The following RBL1 variants were observed in gnomAD, a reference collection of about 807,000 sequenced individuals.
The protein encoded by RBL1 is retinoblastoma-like protein 1.
RBL1 carries 82 observed loss-of-function variants against 123.0 expected under a neutral mutation model. That is an observed-to-expected ratio of 0.67 (90% CI 0.56 to 0.80). The LOEUF (loss-of-function observed/expected upper bound fraction) is 0.80, where lower values mean the gene tolerates loss of function less well. RBL1 is among the 30% of genes least tolerant of loss of function. The probability of loss-of-function intolerance (pLI) is 0.00; values close to 1 mark genes in which losing one functional copy is unlikely to be tolerated. For synonymous variants in RBL1, 405 were observed against 441.3 expected, an observed-to-expected ratio of 0.92 and a Z score of 1.03; for missense variants, 1,171 against 1,299.6, an observed-to-expected ratio of 0.90 and a Z score of 1.52.
rs2065088609 is a variant in RBL1, at chr20:37,061,221, G to A, written c.1132C>T (p.Arg378Ter). ...STPLTGRRYLREKEAVITPVA... is the reference protein window; with the variant it reads ...STPLTGRRYL The stretch of plus-strand genomic sequence containing the variant: ...GGAGTAATGACTGCTTCTTTTTCTC[G>A]TAAATATCTCCGTCCGGTCAGTGGG... Residue 378 changes from arginine to a stop codon, truncating the protein, a stop_gained, in exon 9 of 22, where the codon CGA becomes TGA. Transcript: ENST00000373664. LOFTEE classifies it high-confidence loss of function. The A allele has an allele frequency of 5.0e-6, 8 of 1,613,970 alleles. No individual in the cohort carries two copies. The highest frequency in any genetic ancestry group is 2.2e-5 in the East Asian group (1 of 44,876).
At chr20:37,001,177 C>A in intron 21 of RBL1, among the ~76,000 whole-genome samples, 1 of 149,328 alleles carries the variant, frequency 6.7e-6, no homozygotes, top group East Asian at 2.0e-4. Flanking sequence ...TGAGGGGCGC[C>A]TCTGCCCGGC....
chr20:37,002,346 T>TTTTTTTTTTG (rs1568810262), intron 21 of RBL1, among the ~76,000 whole-genome samples: 5 of 135,862 alleles, frequency 3.7e-5, no homozygotes, highest in Non-Finnish European at 6.4e-5. Context: ...GTTTTTTTTT[T>TTTTTTTTTTG]TTTTTTTTTT....
At chr20:37,083,552 C>T (rs780228618) in intron 2 of RBL1, among the ~76,000 whole-genome samples, 8 of 141,976 alleles carry the variant, frequency 5.6e-5, no homozygotes, top group African/African-American at 1.8e-4. Flanking sequence ...TTTGGGAGGC[C>T]GAGGTGGATG....
At chr20:37,005,894 C>CTTTTTTTTTTTTTTTTTTTTTTTT (rs1013303071) in intron 20 of RBL1, among the ~76,000 whole-genome samples, 9 of 98,136 alleles carry the variant, frequency 9.2e-5, no homozygotes, top group East Asian at 3.1e-4. Flanking sequence ...TTTTTTCTTT[C>CTTTTTTTTTTTTTTTTTTTTTTTT]TTTTTTTTTT....
At chr20:37,042,897 C>CCAG (rs2146264307) in intron 13 of RBL1, among the ~76,000 whole-genome samples, 1 of 109,248 alleles carries the variant, frequency 9.2e-6, no homozygotes, top group East Asian at 3.0e-4. Flanking sequence ...AGATCTTGTC[C>CCAG]CCCCCCCTCC....
chr20:37,030,578 G>A (rs1489251379), intron 16 of RBL1, among the ~76,000 whole-genome samples: 1 of 151,920 alleles, frequency 6.6e-6, no homozygotes, highest in Non-Finnish European at 1.5e-5. Flanking sequence ...AAACAGGCCC[G>A]GCGTGGTGGC....
chr20:37,031,271 G>C (rs1371533667), intron 16 of RBL1, among the ~76,000 whole-genome samples: 1 of 152,024 alleles, frequency 6.6e-6, no homozygotes, highest in Non-Finnish European at 1.5e-5. Context: ...CAGAATGGGA[G>C]AAAATACTTG....
In RBL1 at chr20:37,032,733, G is replaced by A; in HGVS notation, c.2314C>T (p.Gln772Ter). The A allele has an allele frequency of 6.2e-7, 1 of 1,614,008 alleles. No individual in the cohort carries two copies. Among genetic ancestry groups the A allele is most frequent in the Non-Finnish European group, 8.5e-7 (1 of 1,179,984 alleles). ...TTTATTCCAGTTGAATGTACCTCTT[G>A]TGCTTTAGTCAGATTGGTCTGTTTT... The part of the protein sequence containing the change: ...SPKQTNLTKA[Q>*]EVHSTGINRP... Residue 772 changes from glutamine (Q) to a stop codon, truncating the protein, a stop_gained, in exon 16 of 22, where the codon CAA becomes TAA. Coordinates refer to ENST00000373664, the MANE Select transcript of RBL1 (RefSeq NM_002895.5). LOFTEE classifies it high-confidence loss of function.
chr20:37,028,112 C>T (rs562666415), intron 16 of RBL1, among the ~76,000 whole-genome samples: 2 of 152,106 alleles, frequency 1.3e-5, no homozygotes, highest in Non-Finnish European at 2.9e-5. Context: ...TGCCTGTAAT[C>T]CCAGCACTTT....
At chr20:37,066,617 C>G in intron 6 of RBL1, 107 bp downstream of exon 6, 1 of 1,022,514 alleles carries the variant, frequency 9.8e-7, no homozygotes, top group African/African-American at 1.6e-5. Context: ...GCCTGGGAAT[C>G]CTGACCCTAA....
At chr20:37,064,046 C>T (rs1165770844) in intron 7 of RBL1, among the ~76,000 whole-genome samples, 2 of 151,748 alleles carry the variant, frequency 1.3e-5, no homozygotes, top group Admixed American at 1.3e-4. Context: ...GGTCTCCAAC[C>T]TTCTGAGCTC....
chr20:37,018,367 T>C lies in RBL1; in HGVS notation c.2634A>G (p.Val878=), dbSNP rs1410268717. 5 of 1,607,458 alleles carry C rather than the reference T, an allele frequency of 3.1e-6. No homozygotes were observed. Among genetic ancestry groups the C allele is most frequent in the Admixed American group, 1.7e-5 (1 of 58,368 alleles). Residue 878 remains valine, a splice_region_variant and synonymous_variant, in exon 19 of 22, where the codon GTA becomes GTG. Coordinates refer to ENST00000373664, the MANE Select transcript of RBL1 (RefSeq NM_002895.5). The part of the protein sequence containing the change: ...YRNQPQANSH[V]YRSVLLKSIP... ...TACTTTTCAGCAGAACACTTCTATA[T>C]ACCTACATGCCAGAGGGGAAGAAAA... is the stretch of plus-strand genomic sequence containing the variant.
At chr20:37,011,523 C>T (rs1480765885) in intron 19 of RBL1, among the ~76,000 whole-genome samples, 1 of 151,260 alleles carries the variant, frequency 6.6e-6, no homozygotes, top group Non-Finnish European at 1.5e-5. Flanking sequence ...CAACCTCAGC[C>T]CCCAGGGTTC....
At chr20:37,058,125 AAAAACAAAACAAAAC>A (rs1230012701) in intron 9 of RBL1, among the ~76,000 whole-genome samples, 13 of 144,058 alleles carry the variant, frequency 9.0e-5, no homozygotes, top group East Asian at 4.8e-4. Flanking sequence ...TAAAAAAAAA[AAAAACAAAACAAAAC>A]AAAAAAAAAA....
chr20:37,083,086 T>C (rs2065477409), intron 2 of RBL1, among the ~76,000 whole-genome samples: 1 of 152,182 alleles, frequency 6.6e-6, no homozygotes, highest in South Asian at 2.1e-4. Context: ...GCAAACAAAA[T>C]CATTTGAAAT....
intron 12 of RBL1, 39 bp downstream of exon 12, chr20:37,047,014 C>T: frequency 1.9e-6 from 3 of 1,543,624 alleles, no homozygotes; most frequent in Non-Finnish European, 2.6e-6. Flanking sequence ...GTGAGAAACA[C>T]TGTTTTCATC....
rs578240475 is a variant in RBL1 at position 37,066,856 on chromosome 20, G to T, written c.714C>A (p.Asp238Glu). Residue 238 changes from aspartate (D) to glutamate (E), a missense_variant, in exon 6 of 22, where the codon GAC (aspartate) becomes GAA (glutamate). Transcript: ENST00000373664. The part of the protein sequence containing the change: ...KGLPSDFHTA[D>E]FTASEEPPCI... The stretch of plus-strand genomic sequence containing the variant: ...AGGGTGGCTCTTCAGAAGCCGTAAA[G>T]TCAGCAGTATGAAAATCAGATGGTA... 6.2e-7 allele frequency: 1 copy of T among 1,613,838 alleles called. No individual in the cohort carries two copies. Among genetic ancestry groups the T allele is most frequent in the East Asian group, 2.2e-5 (1 of 44,862 alleles).
At position 37,028,597 on chromosome 20, in the gene RBL1, C is replaced by T. The variant is rs539354385; in HGVS notation, c.2382+4068G>A. Among the ~76,000 whole-genome samples, 8 of 152,194 alleles carry T rather than the reference C, an allele frequency of 5.3e-5. 1 individual carries two copies. Among genetic ancestry groups the T allele is most frequent in the Admixed American group, 1.3e-4 (2 of 15,276 alleles). ...CCCAGCAATCTTTAGAATGATTCTT[C>T]GCTAATTAAAATTCACCCATGAGAT... On this transcript the variant is annotated intron_variant, in intron 16 of 21. Transcript: ENST00000373664.
At chr20:37,001,133 G>A (rs1286754974) in intron 21 of RBL1, among the ~76,000 whole-genome samples, 1 of 147,188 alleles carries the variant, frequency 6.8e-6, no homozygotes, top group Non-Finnish European at 1.5e-5. Context: ...GGGGGGGTCA[G>A]CCCCCCGCCC....
Sources: gnomAD v4.1 joint callset for allele counts (sites outside exome capture counted in the v4.1 genomes callset) on GRCh38, gnomAD v4.1.1 for gene constraint, MANE v1.5 for transcripts, NCBI Gene and HGNC (gene_info 2026-07-23, HGNC 2026-07-21) for gene names.